Variants in PDCD10 observed in about 807,000 individuals in gnomAD.
The protein encoded by PDCD10 is programmed cell death 10.
A neutral mutation model predicts 29.2 loss-of-function variants in PDCD10; 4 were observed. The ratio of observed to expected loss-of-function variants is 0.14; its 90% CI spans 0.07 to 0.31. The LOEUF (loss-of-function observed/expected upper bound fraction) is 0.31, where lower values mean the gene tolerates loss of function less well. Ranked by LOEUF, PDCD10 falls within the 10% of genes least tolerant of loss-of-function variation. The pLI, the probability that PDCD10 is intolerant of heterozygous loss-of-function variation, is 1.00. For synonymous variants in PDCD10, 70 were observed against 82.2 expected (o/e 0.85, Z 0.80); for missense variants, 183 against 257.9 (o/e 0.71, Z 1.99).
chr3:167,724,060 G>C (rs1201777177), intron 2 of PDCD10, among the ~76,000 whole-genome samples: 2 of 152,056 alleles, frequency 1.3e-5, no homozygotes, highest in Admixed American at 6.5e-5. Context: ...TAACCAACTC[G>C]AGTCTGCTCA....
intron 6 of PDCD10, among the ~76,000 whole-genome samples, 195 bp downstream of exon 6, chr3:167,695,401 A>C (rs897516435): frequency 6.6e-6 from 1 of 152,214 alleles, no homozygotes; most frequent in Non-Finnish European, 1.5e-5. Context: ...TTGTTGTTTT[A>C]AAATTAAACA....
Position 167,687,125 on chromosome 3 carries a change from T to C in PDCD10, c.557+109A>G. 9.6e-6 allele frequency: 6 copies of C among 626,756 alleles called. No homozygotes were observed. In the South Asian group the frequency reaches 1.0e-4, roughly 10 times the overall value. The allele number at this position is 626,756 out of a possible 1,614,324, so 38.8% of individuals were successfully genotyped here. ...TGGTCTGCCTTCATTATCAGTTGCC[T>C]GGAGTACTAATAATAAAATAAAAGG... On this transcript the variant is annotated intron_variant, in intron 8 of 8. Transcript: ENST00000392750.
At chr3:167,707,474 C>T (rs1350991365) in intron 3 of PDCD10, among the ~76,000 whole-genome samples, 1 of 151,938 alleles carries the variant, frequency 6.6e-6, no homozygotes, top group African/African-American at 2.4e-5. Flanking sequence ...GTCAGGAGAT[C>T]GAGACCATCC....
chr3:167,702,444 G>C (rs1721541976), intron 4 of PDCD10, among the ~76,000 whole-genome samples: 1 of 152,144 alleles, frequency 6.6e-6, no homozygotes, highest in East Asian at 1.9e-4. Flanking sequence ...CAAAACATAT[G>C]TTAATCAACT....
chr3:167,700,368 C>T (rs1437678247), intron 4 of PDCD10, among the ~76,000 whole-genome samples: 1 of 151,958 alleles, frequency 6.6e-6, no homozygotes, highest in African/African-American at 2.4e-5. Flanking sequence ...CCATGGGACC[C>T]GACAAAGTGC....
chr3:167,685,504 A>T (rs1178798320), intron 8 of PDCD10, among the ~76,000 whole-genome samples: 3 of 152,060 alleles, frequency 2.0e-5, no homozygotes, highest in African/African-American at 7.2e-5. Flanking sequence ...TTCTATCAAT[A>T]ATTTTCTGTT....
At chr3:167,730,675 G>A (rs1724716731) in intron 2 of PDCD10, 1 of 152,128 alleles carries the variant, frequency 6.6e-6, no homozygotes, top group Admixed American at 6.5e-5. Flanking sequence ...CAGAAACTCA[G>A]GGCTGTTGAC....
rs140248207 is a variant in PDCD10, at chr3:167,691,192, A to T, written c.396-3499T>A. ...TAATAATGGTAAGAACATACATGAA[A>T]ATGTACCAATATATGACAGTGATAC... On this transcript the variant is annotated intron_variant, in intron 6 of 8. Coordinates refer to ENST00000392750, the MANE Select transcript of PDCD10 (RefSeq NM_007217.4). Among the ~76,000 whole-genome samples, 90 of 152,308 alleles carry T rather than the reference A, an allele frequency of 5.9e-4. 1 individual carries two copies. The East Asian group carries it at 0.016, about 27-fold the overall frequency.
chr3:167,689,938 G>C (rs138299197), intron 6 of PDCD10, among the ~76,000 whole-genome samples: 3 of 152,134 alleles, frequency 2.0e-5, no homozygotes, highest in African/African-American at 7.2e-5. Context: ...ATGGCACCAA[G>C]GTGTGCACAT....
intron 2 of PDCD10, among the ~76,000 whole-genome samples, chr3:167,726,225 C>T (rs117133035): frequency 1.5e-3 from 224 of 148,530 alleles, no homozygotes; most frequent in African/African-American, 5.1e-3. Flanking sequence ...CTCAGCCTCT[C>T]GAGTACTGGG....
At chr3:167,707,409 T>G (rs1245112409) in intron 3 of PDCD10, among the ~76,000 whole-genome samples, 1 of 152,182 alleles carries the variant, frequency 6.6e-6, no homozygotes, top group Non-Finnish European at 1.5e-5. Flanking sequence ...CTGGGCACGG[T>G]GGCTCACGTC....
At chr3:167,700,154 A>G (rs1004832235) in intron 4 of PDCD10, among the ~76,000 whole-genome samples, 1 of 152,184 alleles carries the variant, frequency 6.6e-6, no homozygotes, top group Non-Finnish European at 1.5e-5. Flanking sequence ...TATATGTAAT[A>G]AGTTTGAAGC....
chr3:167,703,425 GATT>G (rs1018918707), intron 4 of PDCD10, among the ~76,000 whole-genome samples: 1 of 151,986 alleles, frequency 6.6e-6, no homozygotes, highest in Non-Finnish European at 1.5e-5. Flanking sequence ...ACGTAATGTA[GATT>G]ATTAAAGTAA....
At chr3:167,730,083 G>C (rs1724641908) in intron 2 of PDCD10, among the ~76,000 whole-genome samples, 1 of 151,978 alleles carries the variant, frequency 6.6e-6, no homozygotes, top group South Asian at 2.1e-4. Flanking sequence ...AAATTTTGTA[G>C]CTTAAATGAC....
At chr3:167,723,569 G>A (rs919878427) in intron 2 of PDCD10, among the ~76,000 whole-genome samples, 1 of 152,194 alleles carries the variant, frequency 6.6e-6, no homozygotes, top group East Asian at 1.9e-4. Flanking sequence ...AGGATGTAGT[G>A]ACTTGCTCCT....
chr3:167,713,160 A>C (rs1279023584), intron 3 of PDCD10, among the ~76,000 whole-genome samples: 2 of 152,110 alleles, frequency 1.3e-5, no homozygotes, highest in Non-Finnish European at 2.9e-5. Flanking sequence ...TCCCCAGCAC[A>C]TGGATCATTC....
chr3:167,702,149 A>C (rs374384046), intron 4 of PDCD10, among the ~76,000 whole-genome samples: 1 of 152,304 alleles, frequency 6.6e-6, no homozygotes, highest in South Asian at 2.1e-4. Flanking sequence ...GACAAAGCAA[A>C]TAAGTCAGAA....
chr3:167,693,110 T>TC (rs1720434015), intron 6 of PDCD10, among the ~76,000 whole-genome samples: 1 of 152,236 alleles, frequency 6.6e-6, no homozygotes. Context: ...GACATATTCC[T>TC]CTCTTTATGT....
intron 8 of PDCD10, among the ~76,000 whole-genome samples, chr3:167,686,334 T>C (rs530990704): frequency 9.9e-4 from 151 of 152,240 alleles, no homozygotes; most frequent in Non-Finnish European, 1.7e-3. Context: ...CATTTTAGTA[T>C]ATTTCCTATT....
Sources: allele counts gnomAD v4.1 joint callset (sites outside exome capture counted in the v4.1 genomes callset), GRCh38; gene constraint gnomAD v4.1.1; transcripts MANE v1.5; gene names NCBI Gene and HGNC (gene_info 2026-07-23, HGNC 2026-07-21).